Variants in VSTM2L observed in about 807,000 individuals in gnomAD.
The protein encoded by VSTM2L is V-set and transmembrane domain containing 2 like.
A neutral mutation model predicts 19.9 loss-of-function variants in VSTM2L; 9 were observed. The ratio of observed to expected loss-of-function variants is 0.45; its 90% CI spans 0.27 to 0.79. The LOEUF is 0.79. VSTM2L is among the 30% of genes least tolerant of loss of function. The probability of loss-of-function intolerance (pLI) is 0.15; values close to 1 mark genes in which losing one functional copy is unlikely to be tolerated. For missense variants in VSTM2L, 286 were observed against 295.5 expected, an observed-to-expected ratio of 0.97 and a Z score of 0.24; for synonymous variants, 127 against 133.8, an observed-to-expected ratio of 0.95 and a Z score of 0.35.
intron 1 of VSTM2L, among the ~76,000 whole-genome samples, chr20:37,930,719 T>TGAG (rs967535428): frequency 5.3e-5 from 8 of 152,096 alleles, no homozygotes; most frequent in Non-Finnish European, 8.8e-5. Flanking sequence ...CCGTATGCCC[T>TGAG]GGGCTGTGGT....
intron 3 of VSTM2L, among the ~76,000 whole-genome samples, chr20:37,935,032 C>A (rs1191615789): frequency 6.6e-6 from 1 of 152,166 alleles, no homozygotes; most frequent in Admixed American, 6.5e-5. Context: ...CATATTAATA[C>A]CCCGTTCATC....
intron 3 of VSTM2L, among the ~76,000 whole-genome samples, chr20:37,937,820 T>C (rs1187031219): frequency 6.6e-6 from 1 of 152,212 alleles, no homozygotes; most frequent in Non-Finnish European, 1.5e-5. Flanking sequence ...TAATGGGGTA[T>C]CTGATCTAGC....
At chr20:37,917,781 G>A (rs573719496) in intron 1 of VSTM2L, among the ~76,000 whole-genome samples, 6 of 152,336 alleles carry the variant, frequency 3.9e-5, no homozygotes, top group Admixed American at 1.3e-4. Flanking sequence ...CTGGGGTTGC[G>A]GAGAAGGAGG....
intron 1 of VSTM2L, among the ~76,000 whole-genome samples, chr20:37,914,316 G>C (rs1366246328): frequency 6.8e-6 from 1 of 146,266 alleles, no homozygotes; most frequent in Non-Finnish European, 1.5e-5. Context: ...GCATCTGTGT[G>C]TATGTGTGTG....
intron 2 of VSTM2L, among the ~76,000 whole-genome samples, chr20:37,932,800 C>T (rs1483027221): frequency 6.6e-6 from 1 of 152,198 alleles, no homozygotes; most frequent in Non-Finnish European, 1.5e-5. Context: ...CATATGTATA[C>T]ACTAATGAAC....
intron 1 of VSTM2L, among the ~76,000 whole-genome samples, chr20:37,921,612 A>C (rs1364364277): frequency 6.6e-6 from 1 of 152,184 alleles, no homozygotes; most frequent in African/African-American, 2.4e-5. Context: ...TACAGATGAT[A>C]CACAGAAATA....
chr20:37,905,062 C>G (rs2072743892), intron 1 of VSTM2L, among the ~76,000 whole-genome samples: 1 of 152,146 alleles, frequency 6.6e-6, no homozygotes, highest in South Asian at 2.1e-4. Flanking sequence ...AAGAGAGTGA[C>G]TGAGCCAGGA....
chr20:37,930,618 C>T (rs1005026722), intron 1 of VSTM2L, among the ~76,000 whole-genome samples: 1 of 151,988 alleles, frequency 6.6e-6, no homozygotes, highest in African/African-American at 2.4e-5. Context: ...TGGGGAGGGG[C>T]GCTGGGCCAC....
chr20:37,910,356 C>T (rs1430604509), intron 1 of VSTM2L, among the ~76,000 whole-genome samples: 1 of 152,232 alleles, frequency 6.6e-6, no homozygotes, highest in Non-Finnish European at 1.5e-5. Flanking sequence ...GACCCGGGGG[C>T]ATCCAACAGG....
intron 1 of VSTM2L, among the ~76,000 whole-genome samples, chr20:37,913,864 A>G (rs1334631682): frequency 2.0e-5 from 3 of 152,244 alleles, no homozygotes; most frequent in African/African-American, 7.2e-5. Flanking sequence ...AGAAGGGGGC[A>G]GCCCTGGAAG....
At chr20:37,907,854 T>C (rs1293233209) in intron 1 of VSTM2L, among the ~76,000 whole-genome samples, 1 of 152,136 alleles carries the variant, frequency 6.6e-6, no homozygotes, top group African/African-American at 2.4e-5. Flanking sequence ...CACCGGGCCA[T>C]TTGGCAAGCA....
rs1568832415 is a variant in VSTM2L at position 37,905,574 on chromosome 20, CT to C, written c.121+2104del. Among the ~76,000 whole-genome samples, 4 of 152,306 alleles carry C rather than the reference CT, an allele frequency of 2.6e-5. No homozygotes were observed. The East Asian group carries it at 7.7e-4, about 29-fold the overall frequency. On this transcript the variant is annotated intron_variant, in intron 1 of 3. Transcript: ENST00000373461. The stretch of plus-strand genomic sequence containing the variant: ...GAGGCACCCCTAGTTGCTGGGGAAC[CT>C]GGCTTCTCTCCTGAAACCCCCGTGT...
chr20:37,942,230 C>T (rs1233801828), intron 3 of VSTM2L, among the ~76,000 whole-genome samples: 1 of 152,224 alleles, frequency 6.6e-6, no homozygotes, highest in Non-Finnish European at 1.5e-5. Context: ...ACCTATAATC[C>T]TGGCACTTCG....
chr20:37,937,578 A>T (rs2072947738), intron 3 of VSTM2L, among the ~76,000 whole-genome samples: 2 of 152,232 alleles, frequency 1.3e-5, no homozygotes, highest in South Asian at 4.1e-4. Context: ...TTTTAAGACA[A>T]GGTGAAATTC....
At chr20:37,933,927 C>A (rs2072925081) in intron 3 of VSTM2L, among the ~76,000 whole-genome samples, 1 of 152,186 alleles carries the variant, frequency 6.6e-6, no homozygotes. Flanking sequence ...TTTTTTTGGC[C>A]TATCATGACT....
chr20:37,932,184 G>A (rs1257031462), intron 2 of VSTM2L, among the ~76,000 whole-genome samples: 4 of 152,202 alleles, frequency 2.6e-5, no homozygotes, highest in Non-Finnish European at 5.9e-5. Flanking sequence ...GGCCACACGG[G>A]CAGCCTTTTT....
At chr20:37,917,076 G>C (rs1163345821) in intron 1 of VSTM2L, among the ~76,000 whole-genome samples, 2 of 152,168 alleles carry the variant, frequency 1.3e-5, no homozygotes, top group African/African-American at 4.8e-5. Context: ...CACTTCTGGA[G>C]GCCAAGACGG....
At position 37,911,163 on chromosome 20, in the gene VSTM2L, C is replaced by T. The variant is rs923144038; in HGVS notation, c.121+7692C>T. Among the ~76,000 whole-genome samples, 4 of 130,952 alleles carry T rather than the reference C, an allele frequency of 3.1e-5. No individual in the cohort carries two copies. In the Admixed American group the frequency reaches 3.6e-4, roughly 12 times the overall value. The allele number at this position is 130,952 out of a possible 152,430, so 85.9% of individuals were successfully genotyped here. A position where few individuals can be genotyped will look rare whatever the true frequency, so the allele number is the denominator to read the frequency against. ...GCGGGCACCTGTAATCCCAGCTACT[C>T]GGGAGGCTGAGGCAGAGAATTGCTT... On this transcript the variant is annotated intron_variant, in intron 1 of 3. Coordinates refer to ENST00000373461, the MANE Select transcript of VSTM2L (RefSeq NM_080607.3).
chr20:37,917,479 T>A (rs1165999970), intron 1 of VSTM2L, among the ~76,000 whole-genome samples: 1 of 152,244 alleles, frequency 6.6e-6, no homozygotes, highest in Non-Finnish European at 1.5e-5. Flanking sequence ...ACAGCGGTTG[T>A]TGTGGACCTT....
Sources: gnomAD v4.1 joint callset for allele counts (sites outside exome capture counted in the v4.1 genomes callset) on GRCh38, gnomAD v4.1.1 for gene constraint, MANE v1.5 for transcripts, NCBI Gene and HGNC (gene_info 2026-07-23, HGNC 2026-07-21) for gene names.